The following FGF12 variants were observed in gnomAD, a reference collection of about 807,000 sequenced individuals.
The protein encoded by FGF12 is fibroblast growth factor 12, also known as fibroblast growth factor 12B.
In FGF12, 14 loss-of-function variants were observed where a neutral mutation model predicts 23.6. The ratio of observed to expected loss-of-function variants is 0.59; its 90% CI spans 0.39 to 0.93. FGF12 has a LOEUF of 0.93. Ranked by LOEUF, FGF12 falls within the 40% of genes least tolerant of loss-of-function variation. The probability of loss-of-function intolerance (pLI) is 0.00; values close to 1 mark genes in which losing one functional copy is unlikely to be tolerated. For missense variants in FGF12, 175 were observed against 217.8 expected (o/e 0.80, Z 1.24); for synonymous variants, 62 against 77.3 (o/e 0.80, Z 1.04).
chr3:192,181,364 G>GACACACACAC lies in FGF12; in HGVS notation c.229-10718_229-10709dup, dbSNP rs200578658. 9.1e-5 allele frequency among the ~76,000 whole-genome samples: 13 copies of GACACACACAC among 142,864 alleles called. No individual in the cohort carries two copies. In the South Asian group the frequency reaches 1.5e-3, roughly 17 times the overall value. The allele number at this position is 142,864 out of a possible 152,430, so 93.7% of individuals were successfully genotyped here. A position where few individuals can be genotyped will look rare whatever the true frequency, so the allele number is the denominator to read the frequency against. On this transcript the variant is annotated intron_variant, in intron 4 of 5. Transcript: ENST00000445105. ...GACAAGACCTACACGCACACACACA[G>GACACACACAC]ACACACACACACAGACACACACACA...
chr3:192,644,379 C>G (rs1039386383), intron 2 of FGF12, among the ~76,000 whole-genome samples: 1 of 152,072 alleles, frequency 6.6e-6, no homozygotes, highest in African/African-American at 2.4e-5. Flanking sequence ...CCACTCTAGG[C>G]TAAAACCCCT....
intron 2 of FGF12, among the ~76,000 whole-genome samples, chr3:192,544,318 C>T (rs541032068): frequency 6.6e-6 from 1 of 152,184 alleles, no homozygotes; most frequent in African/African-American, 2.4e-5. Flanking sequence ...CCTCTTTAAG[C>T]AATATGAAGT....
At chr3:192,686,273 C>G (rs1378157427) in intron 2 of FGF12, among the ~76,000 whole-genome samples, 1 of 152,074 alleles carries the variant, frequency 6.6e-6, no homozygotes, top group East Asian at 1.9e-4. Context: ...AACTCTTGCT[C>G]TGAACAAAGA....
At chr3:192,667,611 A>T (rs1716939993) in intron 2 of FGF12, among the ~76,000 whole-genome samples, 1 of 62,484 alleles carries the variant, frequency 1.6e-5, no homozygotes, top group East Asian at 7.6e-4. Flanking sequence ...ACTCCGTAAA[A>T]AAAAAAAAAA....
rs1713535942 is a variant in FGF12 at position 192,143,727 on chromosome 3, GTTTAA to G, written c.*277_*281del. On this transcript the variant is annotated 3_prime_UTR_variant, in exon 6 of 6. Coordinates refer to ENST00000445105, the MANE Select transcript of FGF12 (RefSeq NM_004113.6). ...TTAGCCTTCTACTAATAACAATACAGTTTAATTTAATATTTATGGAGTTCTGATTT... is the reference window on the plus strand; with the variant it reads ...TTAGCCTTCTACTAATAACAATACAGTTTAATATTTATGGAGTTCTGATTT... 6.2e-6 allele frequency: 2 copies of G among 320,458 alleles called. No homozygotes were observed. The highest frequency in any genetic ancestry group is 5.9e-5 in the South Asian group (1 of 16,954). 19.9% of individuals were successfully genotyped at this position (320,458 alleles called of 1,614,324 possible).
rs184953374 is a variant in FGF12, at chr3:192,642,137, T to C, written c.13+85044A>G. On this transcript the variant is annotated intron_variant, in intron 2 of 5. Transcript: ENST00000445105. ...CCAAATGTCTGAGAATTTTTCCTAA[T>C]TTCTCAATAGTCGACACCTCCTTTT... Among the ~76,000 whole-genome samples the C allele has an allele frequency of 1.0e-3, 157 of 152,366 alleles. 1 individual carries two copies. Among genetic ancestry groups the C allele is most frequent in the Non-Finnish European group, 1.8e-3 (120 of 68,034 alleles).
chr3:192,221,946 A>G (rs58717250), intron 4 of FGF12, among the ~76,000 whole-genome samples: 10,850 of 152,232 alleles, frequency 0.071, 406 homozygotes, highest in African/African-American at 0.083. Context: ...TAGCAAAAGA[A>G]ATAGAGAAAC....
intron 2 of FGF12, among the ~76,000 whole-genome samples, chr3:192,666,781 C>T (rs1359156982): frequency 6.6e-6 from 1 of 152,192 alleles, no homozygotes; most frequent in African/African-American, 2.4e-5. Context: ...AAGCTCACTT[C>T]AATCTCACCA....
At chr3:192,484,516 T>C (rs1440321750) in intron 2 of FGF12, among the ~76,000 whole-genome samples, 1 of 152,148 alleles carries the variant, frequency 6.6e-6, no homozygotes, top group Non-Finnish European at 1.5e-5. Flanking sequence ...ATTATTGACA[T>C]ATTCATAATA....
At chr3:192,701,421 A>T (rs1282449887) in intron 2 of FGF12, among the ~76,000 whole-genome samples, 1 of 152,244 alleles carries the variant, frequency 6.6e-6, no homozygotes, top group Non-Finnish European at 1.5e-5. Flanking sequence ...TATTTGGCTC[A>T]GAATAAATTT....
chr3:192,198,326 A>AT (rs1172522772), intron 4 of FGF12, among the ~76,000 whole-genome samples: 2 of 152,094 alleles, frequency 1.3e-5, no homozygotes, highest in Admixed American at 6.6e-5. Flanking sequence ...AACTGACAAG[A>AT]TTTTTTTCAT....
At chr3:192,700,696 T>C (rs1718262531) in intron 2 of FGF12, among the ~76,000 whole-genome samples, 1 of 152,152 alleles carries the variant, frequency 6.6e-6, no homozygotes, top group Non-Finnish European at 1.5e-5. Flanking sequence ...GCTAAAAGCA[T>C]TCCAAATAAA....
intron 2 of FGF12, among the ~76,000 whole-genome samples, chr3:192,432,777 T>C (rs1182596664): frequency 6.6e-6 from 1 of 152,120 alleles, no homozygotes; most frequent in African/African-American, 2.4e-5. Context: ...CGGCAAACAC[T>C]TGGCAGTTTT....
chr3:192,315,692 T>C (rs1184098865), intron 4 of FGF12, among the ~76,000 whole-genome samples: 1 of 152,148 alleles, frequency 6.6e-6, no homozygotes, highest in East Asian at 1.9e-4. Context: ...TTTTGCAGAC[T>C]GGGGTATAGA....
chr3:192,667,607 TAAAAAA>T (rs59867848), intron 2 of FGF12, among the ~76,000 whole-genome samples: 4 of 76,190 alleles, frequency 5.3e-5, no homozygotes, highest in Non-Finnish European at 9.8e-5. Flanking sequence ...CGAGACTCCG[TAAAAAA>T]AAAAAAAAAA....
intron 4 of FGF12, among the ~76,000 whole-genome samples, chr3:192,198,431 AAAAGCT>A (rs1717194020): frequency 6.6e-6 from 1 of 152,214 alleles, no homozygotes; most frequent in Admixed American, 6.5e-5. Flanking sequence ...AAATGAAAAA[AAAAGCT>A]AAAATCAGTA....
At position 192,561,140 on chromosome 3, in the gene FGF12, T is replaced by C. The variant is rs933553771; in HGVS notation, c.13+166041A>G. ...GGAAGCGGGGAGTAACCAACATATA[T>C]ATATGCCATATATACACACACACAA... On this transcript the variant is annotated intron_variant, in intron 2 of 5. Coordinates refer to ENST00000445105, the MANE Select transcript of FGF12 (RefSeq NM_004113.6). Among the ~76,000 whole-genome samples the C allele has an allele frequency of 2.6e-5, 4 of 152,070 alleles. No homozygotes were observed. In the East Asian group the frequency reaches 7.7e-4, roughly 29 times the overall value.
At chr3:192,208,277 T>C (rs1717752990) in intron 4 of FGF12, among the ~76,000 whole-genome samples, 1 of 152,230 alleles carries the variant, frequency 6.6e-6, no homozygotes, top group Admixed American at 6.5e-5. Flanking sequence ...GTTACGATAT[T>C]CCATAGAATG....
Position 192,139,954 on chromosome 3 carries a change from C to A in FGF12, c.*4055G>T, listed in dbSNP as rs1713276993. 6.6e-6 allele frequency: 1 copy of A among 151,882 alleles called. No individual in the cohort carries two copies. The highest frequency in any genetic ancestry group is 2.1e-4 in the South Asian group (1 of 4,824). 9.4% of individuals were successfully genotyped at this position (151,882 alleles called of 1,614,324 possible). On this transcript the variant is annotated 3_prime_UTR_variant, in exon 6 of 6. Coordinates refer to ENST00000445105, the MANE Select transcript of FGF12 (RefSeq NM_004113.6). ...AGATTTCTAAGATAACTTTTTGTAA[C>A]TAAAAAATAATTTCCTGTGCATCAC...
Sources: gnomAD v4.1 joint callset for allele counts (sites outside exome capture counted in the v4.1 genomes callset) on GRCh38, gnomAD v4.1.1 for gene constraint, MANE v1.5 for transcripts, NCBI Gene and HGNC (gene_info 2026-07-23, HGNC 2026-07-21) for gene names.